The following HPN variants were observed in gnomAD, a reference collection of about 807,000 sequenced individuals.
The protein encoded by HPN is serine protease hepsin.
HPN carries 13 observed loss-of-function variants against 55.9 expected under a neutral mutation model. That is an observed-to-expected ratio of 0.23 (90% CI 0.15 to 0.37). The LOEUF is 0.37. HPN is among the 10% of genes least tolerant of loss of function. The pLI, the probability that HPN is intolerant of heterozygous loss-of-function variation, is 1.00. For missense variants in HPN, 451 were observed against 575.8 expected (o/e 0.78, Z 2.22); for synonymous variants, 225 against 240.3 (o/e 0.94, Z 0.59).
chr19:35,048,048 G>GAA (rs1455842315), intron 2 of HPN, among the ~76,000 whole-genome samples: 4 of 49,952 alleles, frequency 8.0e-5, no homozygotes, highest in South Asian at 6.3e-4. Context: ...AAGAAAGAAA[G>GAA]AAAGAAAGAA....
At chr19:35,058,566 ATATTATATTATAATAATATATTAT>A (rs1568360798) in intron 4 of HPN, among the ~76,000 whole-genome samples, 3 of 147,162 alleles carry the variant, frequency 2.0e-5, no homozygotes, top group African/African-American at 7.4e-5. Flanking sequence ...TAATATATTA[ATATTATATTATAATAATATATTAT>A]TATATTATAA....
intron 2 of HPN, among the ~76,000 whole-genome samples, chr19:35,048,082 A>AAGAAAGAAAGAAAAGGAAGGAAGG (rs111546288): frequency 1.0e-5 from 1 of 96,984 alleles, no homozygotes; most frequent in African/African-American, 4.0e-5. Context: ...GAAAGAAAGA[A>AAGAAAGAAAGAAAAGGAAGGAAGG]AAGGAAGGAA....
rs753146901 is a variant in HPN, at chr19:35,060,726, C to T, written c.720C>T (p.His240=). ...LQLGVQAVVY[H]GGYLPFRDPN... is the part of the protein sequence containing the mutation. ...TGGGGGTGCAGGCTGTGGTCTACCA[C>T]GGGGGCTATCTTCCCTTTCGGGACC... The change falls in exon 9 of 13, where the codon CAC becomes CAT. Residue 240 remains histidine (H), a synonymous_variant. Transcript: ENST00000672452. 4.0e-5 allele frequency: 65 copies of T among 1,613,990 alleles called. No homozygotes were observed. The highest frequency in any genetic ancestry group is 1.5e-4 in the African/African-American group (11 of 74,946).
intron 4 of HPN, among the ~76,000 whole-genome samples, chr19:35,051,012 G>A (rs561696984): frequency 6.7e-6 from 1 of 148,420 alleles, no homozygotes; most frequent in South Asian, 2.1e-4. Flanking sequence ...CATCTCCTGG[G>A]CTCAAGCAAT....
chr19:35,048,010 GAA>G (rs2064358851), intron 2 of HPN, among the ~76,000 whole-genome samples: 5 of 85,036 alleles, frequency 5.9e-5, no homozygotes, highest in East Asian at 3.8e-4. Context: ...AAAAGAAAAA[GAA>G]AGAGAGAGAG....
At chr19:35,048,064 GAAA>G (rs1568356332) in intron 2 of HPN, among the ~76,000 whole-genome samples, 1,002 of 53,498 alleles carry the variant, frequency 0.019, 55 homozygotes, top group South Asian at 0.18. Context: ...AAGAAAGAAA[GAAA>G]GAAAGAAAGA....
chr19:35,047,793 T>A (rs2064356261), intron 2 of HPN, among the ~76,000 whole-genome samples: 1 of 151,238 alleles, frequency 6.6e-6, no homozygotes, highest in Non-Finnish European at 1.5e-5. Flanking sequence ...AGTCTGGGAG[T>A]TCACGACCAG....
In HPN at chr19:35,041,726, G is replaced by A. The variant is rs1164971147; in HGVS notation, c.-201G>A. 2.5e-6 allele frequency: 3 copies of A among 1,209,260 alleles called. No homozygotes were observed. In the African/African-American group the frequency reaches 5.0e-5, roughly 20 times the overall value. 74.9% of individuals were successfully genotyped at this position (1,209,260 alleles called of 1,614,324 possible). A position where few individuals can be genotyped will look rare whatever the true frequency, so the allele number is the denominator to read the frequency against. On this transcript the variant is annotated 5_prime_UTR_variant, in exon 1 of 13. Transcript: ENST00000672452. Reference sequence around the variant, plus strand: ...GCCCAGCCCCCTCCTCCTCAGGTGAGGCAGCCTGGCCTAGCAGGCCCCACG... The same window carrying A: ...GCCCAGCCCCCTCCTCCTCAGGTGAAGCAGCCTGGCCTAGCAGGCCCCACG...
chr19:35,065,409 G>C, intron 10 of HPN, 64 bp downstream of exon 10: 2 of 1,565,126 alleles, frequency 1.3e-6, no homozygotes, highest in Non-Finnish European at 1.8e-6. Flanking sequence ...CTGGGGATGG[G>C]CAGTCTGGCT....
intron 7 of HPN, 31 bp downstream of exon 7, chr19:35,060,200 T>A: frequency 1.2e-6 from 2 of 1,613,516 alleles, no homozygotes; most frequent in Non-Finnish European, 1.7e-6. Flanking sequence ...ACCCTCTCCT[T>A]TAGGCCCTTG....
intron 9 of HPN, among the ~76,000 whole-genome samples, chr19:35,064,286 T>C (rs4806073): frequency 0.85 from 129,356 of 152,056 alleles, 56,149 homozygotes; most frequent in Non-Finnish European, 0.93. Context: ...GATTTTCTGC[T>C]AGGTGGAAGT....
At position 35,066,266 on chromosome 19, in the gene HPN, C is replaced by T. The variant is rs778519202; in HGVS notation, c.1233C>T (p.Ser411=). The T allele has an allele frequency of 6.4e-5, 103 of 1,613,520 alleles. No homozygotes were observed. Among genetic ancestry groups the T allele is most frequent in the Middle Eastern group, 1.7e-4 (1 of 6,060 alleles). ...TTCCCCAGACTCACTCCGAAGCCAG[C>T]GGCATGGTGACCCAGCTCTGACCGG... is the stretch of plus-strand genomic sequence containing the variant. The part of the protein sequence containing the change: ...FQAIKTHSEA[S]GMVTQL Residue 411 remains serine (S), a synonymous_variant, in exon 13 of 13, where the codon AGC becomes AGT. Transcript: ENST00000672452.
At chr19:35,049,066 G>A (rs2064375532) in intron 2 of HPN, among the ~76,000 whole-genome samples, 1 of 152,220 alleles carries the variant, frequency 6.6e-6, no homozygotes, top group South Asian at 2.1e-4. Context: ...GCCCGGCCAT[G>A]CCCCCCTCCC....
At chr19:35,059,313 A>AAAAC (rs930602104) in intron 4 of HPN, 3 of 381,930 alleles carry the variant, frequency 7.9e-6, no homozygotes, top group Non-Finnish European at 1.0e-5. Context: ...AAAACAAAAC[A>AAAAC]AAACAAACAA....
chr19:35,044,585 T>C (rs2064323664), intron 2 of HPN, among the ~76,000 whole-genome samples: 1 of 152,178 alleles, frequency 6.6e-6, no homozygotes, highest in South Asian at 2.1e-4. Context: ...ACTTGTATTT[T>C]ACAAGTTCTA....
chr19:35,047,421 G>A (rs1408385794), intron 2 of HPN, among the ~76,000 whole-genome samples: 1 of 152,202 alleles, frequency 6.6e-6, no homozygotes, highest in Non-Finnish European at 1.5e-5. Flanking sequence ...CTCTAGGGGA[G>A]GCCCTGTGAT....
At chr19:35,062,111 AAAG>A (rs1485671576) in intron 9 of HPN, among the ~76,000 whole-genome samples, 3 of 151,990 alleles carry the variant, frequency 2.0e-5, no homozygotes, top group Non-Finnish European at 2.9e-5. Flanking sequence ...GGAAGGAAGA[AAAG>A]AAGAAAAGAA....
At chr19:35,049,857 GTTTGTTT>G (rs1043057662) in intron 4 of HPN, among the ~76,000 whole-genome samples, 4 of 82,708 alleles carry the variant, frequency 4.8e-5, no homozygotes, top group Non-Finnish European at 9.6e-5. Context: ...GCTAATTTTT[GTTTGTTT>G]TTTTTTTTTT....
At chr19:35,048,843 C>A (rs1284453668) in intron 2 of HPN, among the ~76,000 whole-genome samples, 1 of 151,972 alleles carries the variant, frequency 6.6e-6, no homozygotes, top group Non-Finnish European at 1.5e-5. Context: ...TATCTAGGGG[C>A]AAAGCATCTA....
Sources: gnomAD v4.1 joint callset for allele counts (sites outside exome capture counted in the v4.1 genomes callset) on GRCh38, gnomAD v4.1.1 for gene constraint, MANE v1.5 for transcripts, NCBI Gene and HGNC (gene_info 2026-07-23, HGNC 2026-07-21) for gene names.